Variants in LYRM4 observed in about 807,000 individuals in gnomAD.
The protein encoded by LYRM4 is LYR motif-containing protein 4.
LYRM4 carries 9 observed loss-of-function variants against 11.7 expected under a neutral mutation model. The observed-to-expected ratio is 0.77, with a 90% CI of 0.46 to 1.34. The LOEUF is 1.34. LYRM4 is among the 40% of genes most tolerant of loss of function. The probability of loss-of-function intolerance (pLI) is 0.00; values close to 1 mark genes in which losing one functional copy is unlikely to be tolerated. For missense variants in LYRM4, 133 were observed against 112.5 expected, an observed-to-expected ratio of 1.18 and a Z score of -0.82; for synonymous variants, 42 against 40.4, an observed-to-expected ratio of 1.04 and a Z score of -0.15.
chr6:5,115,580 G>A (rs552208559), intron 2 of LYRM4, among the ~76,000 whole-genome samples: 12 of 152,246 alleles, frequency 7.9e-5, no homozygotes, highest in Non-Finnish European at 1.2e-4. Context: ...GGGGAGGGGT[G>A]CCCTCCCGTA....
At chr6:5,135,785 AT>A (rs1757062179) in intron 2 of LYRM4, among the ~76,000 whole-genome samples, 1 of 152,180 alleles carries the variant, frequency 6.6e-6, no homozygotes, top group Admixed American at 6.5e-5. Context: ...CATTTTATTC[AT>A]TTTAAGTGTA....
chr6:5,254,405 C>G (rs1166574749), intron 1 of LYRM4, among the ~76,000 whole-genome samples: 1 of 152,176 alleles, frequency 6.6e-6, no homozygotes, highest in Non-Finnish European at 1.5e-5. Context: ...CAGGAATAAA[C>G]TTATTTCTTG....
At chr6:5,082,635 G>A in the LYRM4 span, among the ~76,000 whole-genome samples, 1 of 152,158 alleles carries the variant, frequency 6.6e-6, no homozygotes, top group Non-Finnish European at 1.5e-5. Flanking sequence ...CCTCCTATGG[G>A]GCTCACTCAC....
intron 1 of LYRM4, among the ~76,000 whole-genome samples, chr6:5,244,195 T>C (rs1764037261): frequency 6.6e-6 from 1 of 152,242 alleles, no homozygotes; most frequent in Non-Finnish European, 1.5e-5. Flanking sequence ...ACATGAAATA[T>C]TCAATACTTT....
At chr6:5,085,283 C>T in the LYRM4 span, 4 of 512,888 alleles carry the variant, frequency 7.8e-6, no homozygotes, top group Non-Finnish European at 1.4e-5. Context: ...CCCGCATCCT[C>T]CTCCCACTTC....
the LYRM4 span, chr6:5,085,575 G>A: frequency 1.9e-6 from 3 of 1,544,066 alleles, no homozygotes; most frequent in African/African-American, 2.7e-5. Flanking sequence ...TGCCCGCCCC[G>A]GTGGTCCCCT....
At chr6:5,070,171 G>A in the LYRM4 span, among the ~76,000 whole-genome samples, 1 of 152,156 alleles carries the variant, frequency 6.6e-6, no homozygotes, top group African/African-American at 2.4e-5. Context: ...TTAATCCCAG[G>A]TGTTCTGTCT....
intron 2 of LYRM4, among the ~76,000 whole-genome samples, chr6:5,168,561 A>G (rs1759226131): frequency 6.6e-6 from 1 of 152,110 alleles, no homozygotes; most frequent in Admixed American, 6.5e-5. Flanking sequence ...AAAACAGGAG[A>G]AAGTGGGGGT....
chr6:5,046,097 T>C, the LYRM4 span, among the ~76,000 whole-genome samples: 1 of 152,102 alleles, frequency 6.6e-6, no homozygotes, highest in East Asian at 1.9e-4. Context: ...GCCTTCAGCA[T>C]GAGCTTACCA....
Position 5,109,415 on chromosome 6 carries a change from C to T in LYRM4, c.*8G>A, listed in dbSNP as rs1167504899. The T allele has an allele frequency of 6.2e-7, 1 of 1,613,960 alleles. No homozygotes were observed. Among genetic ancestry groups the T allele is most frequent in the East Asian group, 2.2e-5 (1 of 44,876 alleles). ...CCTGGCCGCCACTGGTGGCTGGTCC[C>T]CGGCTTGCTAGGTCCTGGGCATGTC... On this transcript the variant is annotated 3_prime_UTR_variant, in exon 3 of 3. Coordinates refer to ENST00000330636, the MANE Select transcript of LYRM4 (RefSeq NM_020408.6).
rs1297740512 is a variant in LYRM4 at position 5,205,328 on chromosome 6, G to A, written c.207+11290C>T. 1.3e-5 allele frequency among the ~76,000 whole-genome samples: 2 copies of A among 151,946 alleles called. 1 individual carries two copies. Among genetic ancestry groups the A allele is most frequent in the African/African-American group, 4.8e-5 (2 of 41,288 alleles). ...TGCCTCGTGCTGTGCTAGGTCCCAA[G>A]GACATGGAAGGCCCAGCCCTCCGGC... On this transcript the variant is annotated intron_variant, in intron 2 of 2. Coordinates refer to ENST00000330636, the MANE Select transcript of LYRM4 (RefSeq NM_020408.6).
At chr6:5,189,150 T>A (rs1760601625) in intron 2 of LYRM4, among the ~76,000 whole-genome samples, 1 of 152,258 alleles carries the variant, frequency 6.6e-6, no homozygotes, top group Non-Finnish European at 1.5e-5. Flanking sequence ...GTTATTAATA[T>A]TTGCCTCTTG....
At chr6:5,100,851 G>A (rs1762476762), downstream of LYRM4, among the ~76,000 whole-genome samples, 2 of 152,120 alleles carry the variant, frequency 1.3e-5, no homozygotes, top group Admixed American at 6.5e-5. Context: ...TCTTTGCTTC[G>A]CCCCCATCCT....
At chr6:5,186,464 T>C in intron 2 of LYRM4, 1 of 745,866 alleles carries the variant, frequency 1.3e-6, no homozygotes, top group Non-Finnish European at 1.6e-6. Context: ...CCTTATTCCA[T>C]AAATGATACT....
At chr6:5,176,468 C>T (rs945730624) in intron 2 of LYRM4, among the ~76,000 whole-genome samples, 7 of 152,216 alleles carry the variant, frequency 4.6e-5, no homozygotes, top group Non-Finnish European at 8.8e-5. Context: ...ACCAGTGATA[C>T]TGTCTGTTAG....
At position 5,214,695 on chromosome 6, in the gene LYRM4, C is replaced by T. The variant is rs144766231; in HGVS notation, c.207+1923G>A. Among the ~76,000 whole-genome samples, 303 of 152,330 alleles carry T rather than the reference C, an allele frequency of 2.0e-3. No homozygotes were observed. The Middle Eastern group carries it at 0.02, about 10-fold the overall frequency. On this transcript the variant is annotated intron_variant, in intron 2 of 2. Transcript: ENST00000330636. ...AGGCTGTTAGTCCAAAGGCAACTTA[C>T]GCCAGCTTGCAGCCAGATGGCCGGG...
chr6:5,209,989 T>C (rs1329872624), intron 2 of LYRM4, among the ~76,000 whole-genome samples: 2 of 152,246 alleles, frequency 1.3e-5, no homozygotes, highest in Non-Finnish European at 2.9e-5. Flanking sequence ...ACACATCTTC[T>C]ACCAGGAAGG....
chr6:5,122,795 C>G (rs1216573690), intron 2 of LYRM4, among the ~76,000 whole-genome samples: 1 of 152,200 alleles, frequency 6.6e-6, no homozygotes, highest in Non-Finnish European at 1.5e-5. Context: ...GGCAGACATC[C>G]CCGTCTGCAC....
At position 5,110,726 on chromosome 6, in the gene LYRM4, G is replaced by C. The variant is rs149689586; in HGVS notation, c.208-1235C>G. Among the ~76,000 whole-genome samples the C allele has an allele frequency of 1.3e-3, 202 of 152,286 alleles. 1 individual carries two copies. The highest frequency in any genetic ancestry group is 4.7e-3 in the African/African-American group (195 of 41,556). ...AGAGGTAGGTAGGAGTTATGGGAAG[G>C]GGGTGTAGAGAATGAGTGCTCCTAA... On this transcript the variant is annotated intron_variant, in intron 2 of 2. Coordinates refer to ENST00000330636, the MANE Select transcript of LYRM4 (RefSeq NM_020408.6).
Sources: gnomAD v4.1 joint callset for allele counts (sites outside exome capture counted in the v4.1 genomes callset) on GRCh38, gnomAD v4.1.1 for gene constraint, MANE v1.5 for transcripts, NCBI Gene and HGNC (gene_info 2026-07-23, HGNC 2026-07-21) for gene names.